The following ANTXR1 variants were observed in gnomAD, a reference collection of about 807,000 sequenced individuals.
ANTXR1 encodes anthrax toxin receptor 1.
A neutral mutation model predicts 78.1 loss-of-function variants in ANTXR1; 19 were observed. The ratio of observed to expected loss-of-function variants is 0.24; its 90% confidence interval spans 0.17 to 0.36. ANTXR1 has a LOEUF of 0.36. ANTXR1 is among the 10% of genes least tolerant of loss of function. The pLI is 1.00. For synonymous variants in ANTXR1, 273 were observed against 260.5 expected, an observed-to-expected ratio of 1.05 and a Z score of -0.46; for missense variants, 518 against 718.6, an observed-to-expected ratio of 0.72 and a Z score of 3.19.
chr2:69,145,892 A>G, intron 12 of ANTXR1: 1 of 985,860 alleles, frequency 1.0e-6, no homozygotes, highest in Non-Finnish European at 1.2e-6. Context: ...AAAATTGCCT[A>G]TATTCCACCT....
Position 69,245,666 on chromosome 2 carries a change from GC to G in ANTXR1, c.*183del. ...CTGAAAGAAACAGATATTTTAAATTGCCAGAAAACAAATGATGAGGCAACTA... is the reference window on the plus strand; with the variant it reads ...CTGAAAGAAACAGATATTTTAAATTGCAGAAAACAAATGATGAGGCAACTA... On this transcript the variant is annotated 3_prime_UTR_variant, in exon 18 of 18. Transcript: ENST00000303714. 2 of 868,230 alleles carry G rather than the reference GC, an allele frequency of 2.3e-6. No individual in the cohort carries two copies. The highest frequency in any genetic ancestry group is 1.7e-5 in the South Asian group (1 of 58,350). 53.8% of individuals were successfully genotyped at this position (868,230 alleles called of 1,614,324 possible). A position where few individuals can be genotyped will look rare whatever the true frequency, so the allele number is the denominator to read the frequency against.
At chr2:69,077,957 G>A (rs1277252031) in intron 8 of ANTXR1, among the ~76,000 whole-genome samples, 4 of 152,134 alleles carry the variant, frequency 2.6e-5, no homozygotes, top group Non-Finnish European at 5.9e-5. Context: ...TCTGGTCTGG[G>A]GTGCAGCCTG....
At chr2:69,070,050 T>A (rs1670521648) in intron 3 of ANTXR1, among the ~76,000 whole-genome samples, 1 of 152,216 alleles carries the variant, frequency 6.6e-6, no homozygotes, top group South Asian at 2.1e-4. Context: ...TGTTTCCCAC[T>A]GCCAGTTGAA....
At chr2:69,046,649 A>G (rs147701192) in intron 3 of ANTXR1, among the ~76,000 whole-genome samples, 1 of 152,294 alleles carries the variant, frequency 6.6e-6, no homozygotes, top group Non-Finnish European at 1.5e-5. Flanking sequence ...CAACCTCATC[A>G]GCCTATGGAA....
At chr2:69,129,470 T>C (rs564880183) in intron 12 of ANTXR1, among the ~76,000 whole-genome samples, 1 of 152,240 alleles carries the variant, frequency 6.6e-6, no homozygotes, top group East Asian at 1.9e-4. Flanking sequence ...GAGTGTATAA[T>C]AGGCCGGGCG....
intron 17 of ANTXR1, among the ~76,000 whole-genome samples, chr2:69,226,330 A>T (rs1246432745): frequency 6.6e-6 from 1 of 152,178 alleles, no homozygotes; most frequent in Non-Finnish European, 1.5e-5. Context: ...GATCTAGCTC[A>T]GAGAGACTCC....
chr2:69,115,001 G>A (rs1053531674), intron 10 of ANTXR1, among the ~76,000 whole-genome samples: 2 of 152,126 alleles, frequency 1.3e-5, no homozygotes, highest in African/African-American at 4.8e-5. Context: ...TAGACATTAC[G>A]CCAGGTTTTC....
In ANTXR1 at chr2:69,091,679, G is replaced by A. The variant is rs534836661; in HGVS notation, c.703+760G>A. Among the ~76,000 whole-genome samples the A allele has an allele frequency of 2.6e-5, 4 of 152,202 alleles. No individual in the cohort carries two copies. The South Asian group carries it at 8.3e-4, about 32-fold the overall frequency. On this transcript the variant is annotated intron_variant, in intron 9 of 17. Transcript: ENST00000303714. Reference sequence around the variant, plus strand: ...TACTAAAGTTTTTAGTTGGATGCTGGCCTTTTCACACAGTTAATATATTTA... The same window carrying A: ...TACTAAAGTTTTTAGTTGGATGCTGACCTTTTCACACAGTTAATATATTTA...
chr2:69,122,925 C>A, intron 10 of ANTXR1, 92 bp from the exon 11 acceptor site: 1 of 1,390,122 alleles, frequency 7.2e-7, no homozygotes, highest in Non-Finnish European at 1.0e-6. Context: ...TTTGGTATCT[C>A]CCTGGACTTG....
At chr2:69,070,496 A>C in intron 3 of ANTXR1, 151 bp from the exon 4 acceptor site, 1 of 724,404 alleles carries the variant, frequency 1.4e-6, no homozygotes, top group Non-Finnish European at 2.5e-6. Context: ...TGAACGGATA[A>C]TATAAAGGCC....
At chr2:69,198,516 A>G (rs1028132575) in intron 17 of ANTXR1, among the ~76,000 whole-genome samples, 5 of 152,190 alleles carry the variant, frequency 3.3e-5, no homozygotes, top group African/African-American at 1.2e-4. Flanking sequence ...TGCATTAAGT[A>G]TGTGGTACTT....
chr2:69,112,427 C>T (rs1343466036), intron 10 of ANTXR1, among the ~76,000 whole-genome samples: 1 of 152,156 alleles, frequency 6.6e-6, no homozygotes, highest in African/African-American at 2.4e-5. Flanking sequence ...CCAAAGATCC[C>T]TGGGACCACT....
rs186988695 is a variant in ANTXR1 at position 69,017,369 on chromosome 2, A to G, written c.152+3718A>G. ...TCCTTTCGCTGGCAAGACACTGTCT[A>G]CAGTCTGAAACCGAGGGATCATAGG... On this transcript the variant is annotated intron_variant, in intron 1 of 17. Transcript: ENST00000303714. Among the ~76,000 whole-genome samples, 11 of 152,272 alleles carry G rather than the reference A, an allele frequency of 7.2e-5. No homozygotes were observed. The South Asian group carries it at 2.1e-3, about 29-fold the overall frequency.
At chr2:69,134,388 T>A (rs1049801341) in intron 12 of ANTXR1, among the ~76,000 whole-genome samples, 3 of 152,148 alleles carry the variant, frequency 2.0e-5, no homozygotes, top group Non-Finnish European at 4.4e-5. Context: ...AGGGGTAGAA[T>A]AGGCTCAAAG....
At chr2:69,030,292 A>T (rs1448299777) in intron 1 of ANTXR1, among the ~76,000 whole-genome samples, 1 of 152,218 alleles carries the variant, frequency 6.6e-6, no homozygotes, top group Non-Finnish European at 1.5e-5. Flanking sequence ...AGAAAATTTC[A>T]GTACTAGTGT....
intron 3 of ANTXR1, among the ~76,000 whole-genome samples, chr2:69,055,933 T>G (rs969396268): frequency 6.6e-6 from 1 of 152,198 alleles, no homozygotes; most frequent in Non-Finnish European, 1.5e-5. Flanking sequence ...GAGTCTGTTT[T>G]CTCATATGTG....
At chr2:69,165,568 T>C (rs999557649) in intron 13 of ANTXR1, among the ~76,000 whole-genome samples, 1 of 152,242 alleles carries the variant, frequency 6.6e-6, no homozygotes, top group Non-Finnish European at 1.5e-5. Context: ...GGAGGATTTC[T>C]CAACAAGGTG....
At chr2:69,204,367 A>G (rs1365343313) in intron 17 of ANTXR1, among the ~76,000 whole-genome samples, 1 of 151,806 alleles carries the variant, frequency 6.6e-6, no homozygotes, top group Non-Finnish European at 1.5e-5. Flanking sequence ...GACCACCCCA[A>G]CTCAACCTGA....
chr2:69,071,519 G>T (rs1236624820), intron 4 of ANTXR1, among the ~76,000 whole-genome samples: 1 of 152,198 alleles, frequency 6.6e-6, no homozygotes, highest in South Asian at 2.1e-4. Flanking sequence ...TGTCATATTT[G>T]TAGTCTGTCC....
Sources: allele counts gnomAD v4.1 joint callset (sites outside exome capture counted in the v4.1 genomes callset), GRCh38; gene constraint gnomAD v4.1.1; transcripts MANE v1.5; gene names NCBI Gene and HGNC (gene_info 2026-07-23, HGNC 2026-07-21).